Variants in STXBP5L observed in about 807,000 individuals in gnomAD.
The protein encoded by STXBP5L is syntaxin-binding protein 5-like.
A neutral mutation model predicts 144.5 loss-of-function variants in STXBP5L; 65 were observed. The observed-to-expected ratio is 0.45, with a 90% CI of 0.37 to 0.55. STXBP5L has a LOEUF of 0.55. STXBP5L is among the 20% of genes least tolerant of loss of function. STXBP5L has a pLI of 0.00. For missense variants in STXBP5L, 1,298 were observed against 1,405.5 expected, an observed-to-expected ratio of 0.92 and a Z score of 1.22; for synonymous variants, 505 against 469.6, an observed-to-expected ratio of 1.08 and a Z score of -0.97.
chr3:121,014,245 A>T (rs1350947239), intron 3 of STXBP5L, among the ~76,000 whole-genome samples: 1 of 151,998 alleles, frequency 6.6e-6, no homozygotes, highest in Non-Finnish European at 1.5e-5. Context: ...CATTTTAATG[A>T]TATTAATTCT....
intron 3 of STXBP5L, among the ~76,000 whole-genome samples, chr3:120,959,360 C>G (rs1938459366): frequency 6.6e-6 from 1 of 152,186 alleles, no homozygotes; most frequent in Non-Finnish European, 1.5e-5. Flanking sequence ...CCATCCCCAT[C>G]AAGCTACCAA....
chr3:121,365,476 T>G (rs996405933), intron 20 of STXBP5L, among the ~76,000 whole-genome samples: 2 of 151,822 alleles, frequency 1.3e-5, no homozygotes, highest in African/African-American at 4.8e-5. Context: ...TATTCACGGT[T>G]TGTATTTCTT....
At position 120,987,866 on chromosome 3, in the gene STXBP5L, C is replaced by A. The variant is rs150975307; in HGVS notation, c.287+32829C>A. Among the ~76,000 whole-genome samples, 807 of 151,816 alleles carry A rather than the reference C, an allele frequency of 5.3e-3. 7 individuals carry two copies. The highest frequency in any genetic ancestry group is 0.019 in the African/African-American group (772 of 41,496). Reference sequence around the variant, plus strand: ...ATTTGCTTTCTGGAAGTTTTTGTGACAAATTCTTGTTAATTCTTTGTTAAA... The same window carrying A: ...ATTTGCTTTCTGGAAGTTTTTGTGAAAAATTCTTGTTAATTCTTTGTTAAA... On this transcript the variant is annotated intron_variant, in intron 3 of 26. Transcript: ENST00000471454.
intron 20 of STXBP5L, among the ~76,000 whole-genome samples, chr3:121,340,010 C>T (rs2044649932): frequency 1.3e-5 from 2 of 151,918 alleles, no homozygotes; most frequent in East Asian, 3.9e-4. Context: ...ACTGAAATTC[C>T]TATCAAAATA....
In STXBP5L at chr3:121,351,031, C is replaced by T. The variant is rs183485176; in HGVS notation, c.2177-27685C>T. On this transcript the variant is annotated intron_variant, in intron 20 of 26. Transcript: ENST00000471454. ...CTACGTTCCTTTGGAGGAGGAGAGG[C>T]GCTCTGGTTTTTAGAATTTCCAGTT... Among the ~76,000 whole-genome samples, 145 of 151,682 alleles carry T rather than the reference C, an allele frequency of 9.6e-4. 1 individual carries two copies. The highest frequency in any genetic ancestry group is 8.7e-3 in the East Asian group (44 of 5,040).
chr3:121,238,936 TAAAA>T, intron 12 of STXBP5L, 31 bp from the exon 13 acceptor site: 1 of 1,490,212 alleles, frequency 6.7e-7, no homozygotes, highest in African/African-American at 1.4e-5. Flanking sequence ...TTTTTCTTTG[TAAAA>T]TAACACTGAT....
intron 9 of STXBP5L, among the ~76,000 whole-genome samples, chr3:121,169,393 G>A (rs182217303): frequency 6.6e-6 from 1 of 152,254 alleles, no homozygotes; most frequent in Admixed American, 6.5e-5. Context: ...ACACAGACTG[G>A]CAAATTGGAT....
chr3:121,329,722 A>T (rs924254578), intron 20 of STXBP5L, among the ~76,000 whole-genome samples: 2 of 152,156 alleles, frequency 1.3e-5, no homozygotes, highest in East Asian at 1.9e-4. Flanking sequence ...TTAGCCAGGC[A>T]TGGTGGCAGG....
Position 121,315,990 on chromosome 3 carries a change from G to T in STXBP5L, c.2111-2485G>T, listed in dbSNP as rs1470900558. Among the ~76,000 whole-genome samples, 4 of 106,178 alleles carry T rather than the reference G, an allele frequency of 3.8e-5. No individual in the cohort carries two copies. The East Asian group carries it at 1.8e-3, about 48-fold the overall frequency. The allele number at this position is 106,178 out of a possible 152,430, so 69.7% of individuals were successfully genotyped here. A position where few individuals can be genotyped will look rare whatever the true frequency, so the allele number is the denominator to read the frequency against. Reference sequence around the variant, plus strand: ...TTCATTCCAGCCTGGGCGATAGTGAGACTCTGTCTCAAAAAAAAAAAAAGG... The same window carrying T: ...TTCATTCCAGCCTGGGCGATAGTGATACTCTGTCTCAAAAAAAAAAAAAGG... On this transcript the variant is annotated intron_variant, in intron 19 of 26. Transcript: ENST00000471454.
intron 19 of STXBP5L, among the ~76,000 whole-genome samples, chr3:121,294,292 G>A (rs998093022): frequency 1.1e-4 from 17 of 152,234 alleles, no homozygotes; most frequent in Admixed American, 7.9e-4. Flanking sequence ...ATCATTCAAT[G>A]TGAGAGATAA....
chr3:120,965,643 C>A (rs930046298), intron 3 of STXBP5L, among the ~76,000 whole-genome samples: 1 of 152,180 alleles, frequency 6.6e-6, no homozygotes, highest in African/African-American at 2.4e-5. Flanking sequence ...GCTGAGAGAT[C>A]TGTTGTTAGT....
chr3:121,313,275 T>G (rs1434595602), intron 19 of STXBP5L, among the ~76,000 whole-genome samples: 3 of 131,662 alleles, frequency 2.3e-5, no homozygotes, highest in Non-Finnish European at 4.9e-5. Context: ...GGCTCCTCAC[T>G]TCCCAGTAGG....
chr3:121,018,564 A>G (rs938302419), intron 3 of STXBP5L, among the ~76,000 whole-genome samples: 21 of 150,542 alleles, frequency 1.4e-4, no homozygotes, highest in Admixed American at 1.1e-3. Context: ...CAGTCCTTAC[A>G]TCTTTCACAA....
chr3:121,028,504 C>G (rs1170727952), intron 3 of STXBP5L, among the ~76,000 whole-genome samples: 2 of 152,040 alleles, frequency 1.3e-5, no homozygotes, highest in Non-Finnish European at 2.9e-5. Context: ...GTAAAGCTAT[C>G]CACTGCTGTG....
intron 5 of STXBP5L, among the ~76,000 whole-genome samples, chr3:121,097,872 A>G (rs1302206976): frequency 6.6e-6 from 1 of 152,220 alleles, no homozygotes; most frequent in East Asian, 1.9e-4. Flanking sequence ...TGAATATATT[A>G]TACTTAAGAT....
intron 9 of STXBP5L, among the ~76,000 whole-genome samples, chr3:121,193,286 C>G (rs2047776689): frequency 7.0e-6 from 1 of 142,900 alleles, no homozygotes; most frequent in Middle Eastern, 3.6e-3. Flanking sequence ...CGTCTCACAC[C>G]AGTTAGAATG....
Position 121,213,942 on chromosome 3 carries a change from T to C in STXBP5L, c.956+7941T>C, listed in dbSNP as rs180807267. 4.9e-4 allele frequency among the ~76,000 whole-genome samples: 74 copies of C among 152,292 alleles called. 1 individual carries two copies. The highest frequency in any genetic ancestry group is 1.8e-3 in the African/African-American group (73 of 41,566). On this transcript the variant is annotated intron_variant, in intron 10 of 26. Transcript: ENST00000471454. ...TTCCTGGGTTAGTCTTGGGAGGGTA[T>C]ATGTGGTTAGGAATTTATCCATTTC...
rs1306610737 is a variant in STXBP5L, at chr3:121,357,210, GTC to G, written c.2177-21504_2177-21503del. ...CATTTGCATGAGTCAGAAAGATGGTGTCTGGAAGCTAACCCTGGTGATCCTGA... is the reference window on the plus strand; with the variant it reads ...CATTTGCATGAGTCAGAAAGATGGTGTGGAAGCTAACCCTGGTGATCCTGA... On this transcript the variant is annotated intron_variant, in intron 20 of 26. Coordinates refer to ENST00000471454, the MANE Select transcript of STXBP5L (RefSeq NM_001308330.2). The G allele has an allele frequency of 2.8e-5, 6 of 214,570 alleles. No individual in the cohort carries two copies. In the East Asian group the frequency reaches 8.5e-4, roughly 30 times the overall value. The allele number at this position is 214,570 out of a possible 1,614,324, so 13.3% of individuals were successfully genotyped here. A position where few individuals can be genotyped will look rare whatever the true frequency, so the allele number is the denominator to read the frequency against.
chr3:121,320,547 C>T (rs1356543663), intron 20 of STXBP5L, among the ~76,000 whole-genome samples: 1 of 151,984 alleles, frequency 6.6e-6, no homozygotes, highest in Non-Finnish European at 1.5e-5. Context: ...TTCCCAGTCT[C>T]ATTGATAAGG....
Sources: gnomAD v4.1 joint callset for allele counts (sites outside exome capture counted in the v4.1 genomes callset) on GRCh38, gnomAD v4.1.1 for gene constraint, MANE v1.5 for transcripts, NCBI Gene and HGNC (gene_info 2026-07-23, HGNC 2026-07-21) for gene names.